FERMT3: variants seen among roughly 807,000 people sequenced by gnomAD.
FERMT3 encodes the protein FERM domain containing kindlin 3.
FERMT3 carries 33 observed loss-of-function variants against 80.8 expected under a neutral mutation model. The ratio of observed to expected loss-of-function variants is 0.41; its 90% CI spans 0.31 to 0.55. The LOEUF (loss-of-function observed/expected upper bound fraction) is 0.55, where lower values mean the gene tolerates loss of function less well. Among genes scored for constraint, FERMT3 ranks in the 20% least tolerant of loss-of-function variants. The pLI is 0.31. For synonymous variants in FERMT3, 375 were observed against 372.2 expected (o/e 1.01, Z -0.09); for missense variants, 754 against 908.7 (o/e 0.83, Z 2.19).
At chr11:64,206,566 C>T (rs1446870065), upstream of FERMT3, 1 of 152,426 alleles carries the variant, frequency 6.6e-6, no homozygotes, top group Non-Finnish European at 1.5e-5. Flanking sequence ...GCCCCGCTCT[C>T]CCTAGCTTCC....
chr11:64,211,106 A>G lies in FERMT3; in HGVS notation c.449A>G (p.Lys150Arg), dbSNP rs1946425566. The change falls in exon 4 of 15, where the codon AAG becomes AGG. Residue 150 changes from lysine (K) to arginine (R), a missense_variant. Coordinates refer to ENST00000345728, the MANE Select transcript of FERMT3 (RefSeq NM_031471.6). This position sits in a 1 kb window ranked among gnomAD's most constrained non-coding sequence, Gnocchi z 4.7. Reference sequence around the variant, plus strand: ...CTCCGGGCTCCTGAGAAGAAGGAGAAGAAGAAGAAAGAGAAGGAGCCAGAG... The same window carrying G: ...CTCCGGGCTCCTGAGAAGAAGGAGAGGAAGAAGAAAGAGAAGGAGCCAGAG... The part of the protein sequence containing the change: ...SLLRAPEKKE[K>R]KKKEKEPEEE... The G allele has an allele frequency of 1.3e-6, 2 of 1,566,516 alleles. No individual in the cohort carries two copies. Among genetic ancestry groups the G allele is most frequent in the Non-Finnish European group, 1.7e-6 (2 of 1,155,274 alleles).
chr11:64,208,991 G>A (rs1946378348), intron 2 of FERMT3, among the ~76,000 whole-genome samples: 1 of 152,214 alleles, frequency 6.6e-6, no homozygotes, highest in South Asian at 2.1e-4. Context: ...CCTGGTTAGA[G>A]ACACCAGGGC....
intron 6 of FERMT3, among the ~76,000 whole-genome samples, chr11:64,216,226 TTC>T (rs1946546364): frequency 6.9e-6 from 1 of 145,450 alleles, no homozygotes; most frequent in Non-Finnish European, 1.5e-5. Context: ...AGATGGAGTC[TTC>T]TTCTGTCACC....
Position 64,223,403 on chromosome 11 carries a change from A to G in FERMT3, c.1903A>G (p.Ile635Val), listed in dbSNP as rs1476278087. The change falls in exon 15 of 15, where the codon ATT becomes GTT. Residue 635 changes from isoleucine to valine, a missense_variant. Transcript: ENST00000345728. ...RIVHEYIGGY[I>V]FLSTRERARG... ...TGTACACGAGTATATCGGGGGCTAC[A>G]TTTTCCTGTCGACGCGGGAGCGGGC... The G allele has an allele frequency of 6.2e-7, 1 of 1,613,820 alleles. No homozygotes were observed. The highest frequency in any genetic ancestry group is 8.5e-7 in the Non-Finnish European group (1 of 1,180,034).
At position 64,211,420 on chromosome 11, in the gene FERMT3, A is replaced by G. The variant is rs1456049623; in HGVS notation, c.660A>G (p.Ser220=). Residue 220 remains serine, a synonymous_variant, in exon 5 of 15, where the codon TCA becomes TCG. Coordinates refer to ENST00000345728, the MANE Select transcript of FERMT3 (RefSeq NM_031471.6). The surrounding 1 kb of genome is among the most constrained non-coding windows in gnomAD (Gnocchi z 4.7). The part of the protein sequence containing the change: ...LQRLPRPSSL[S]DKTQLHSRWL... ...GTCTGCCACGGCCCAGCTCCCTGTCAGACAAGACCCAGCTCCACAGCAGGT... is the reference window on the plus strand; with the variant it reads ...GTCTGCCACGGCCCAGCTCCCTGTCGGACAAGACCCAGCTCCACAGCAGGT... The G allele has an allele frequency of 1.9e-6, 3 of 1,598,952 alleles. No individual in the cohort carries two copies. In the Admixed American group the frequency reaches 5.1e-5, roughly 27 times the overall value.
Position 64,220,994 on chromosome 11 carries a change from C to T in FERMT3, c.1546-22C>T, listed in dbSNP as rs184480551. The stretch of plus-strand genomic sequence containing the variant: ...AGGAGGGGAATAGTGCCTGGCAGCC[C>T]GTCACCAGTATGGTCCCGCAGCTCA... On this transcript the variant is annotated intron_variant, in intron 12 of 14. Transcript: ENST00000345728. The T allele has an allele frequency of 2.0e-4, 314 of 1,608,522 alleles. 2 individuals are homozygous for T. The South Asian group carries it at 2.3e-3, about 12-fold the overall frequency.
Position 64,219,313 on chromosome 11 carries a change from G to T in FERMT3, c.849G>T (p.Glu283Asp), listed in dbSNP as rs568602034. ...EQARWDLLLE[E>D]IDCTEEEMMV... ...CCCGGTGGGACCTGCTGCTGGAGGA[G>T]ATTGACTGCACCGAGGAGGAGATGA... The change falls in exon 7 of 15, where the codon GAG (glutamate) becomes GAT (aspartate). Residue 283 changes from glutamate to aspartate, a missense_variant. Glu to Asp is a conservative substitution (Grantham distance 45, BLOSUM62 2). Coordinates refer to ENST00000345728, the MANE Select transcript of FERMT3 (RefSeq NM_031471.6). This position sits in a 1 kb window ranked among gnomAD's most constrained non-coding sequence, Gnocchi z 4.0. The T allele has an allele frequency of 5.0e-6, 8 of 1,609,392 alleles. No individual in the cohort carries two copies. Among genetic ancestry groups the T allele is most frequent in the Non-Finnish European group, 6.8e-6 (8 of 1,178,108 alleles).
At chr11:64,212,916 C>G (rs35525149) in intron 6 of FERMT3, among the ~76,000 whole-genome samples, 5,767 of 152,008 alleles carry the variant, frequency 0.038, 363 homozygotes, top group African/African-American at 0.13. Flanking sequence ...TTTTTTGAGA[C>G]ACAGTCTTGC....
chr11:64,211,461 GC>G lies in FERMT3; in HGVS notation c.683+23del. On this transcript the variant is annotated intron_variant, in intron 5 of 14. Transcript: ENST00000345728. This position sits in a 1 kb window ranked among gnomAD's most constrained non-coding sequence, Gnocchi z 4.7. ...CACAGCAGGTGCACCCAGGAGCCAC[GC>G]CCCCTGTGTCAGGGCTCCCCCACCC... 1 of 1,569,836 alleles carries G rather than the reference GC, an allele frequency of 6.4e-7. No homozygotes were observed.
chr11:64,209,525 G>A (rs1467645113), intron 2 of FERMT3, among the ~76,000 whole-genome samples: 1 of 152,196 alleles, frequency 6.6e-6, no homozygotes, highest in African/African-American at 2.4e-5. Context: ...GAGAGGGACC[G>A]GAGAGGGGCC....
At chr11:64,209,482 C>T (rs566240287) in intron 2 of FERMT3, among the ~76,000 whole-genome samples, 14 of 152,168 alleles carry the variant, frequency 9.2e-5, no homozygotes, top group Admixed American at 5.9e-4. Context: ...CCAGGCCGAA[C>T]CTGGGGAAAG....
chr11:64,223,001 GC>G (rs1461758608), intron 13 of FERMT3, 46 bp from the exon 14 acceptor site: 3 of 1,611,512 alleles, frequency 1.9e-6, no homozygotes, highest in Non-Finnish European at 2.5e-6. Context: ...GCGGGCTCTG[GC>G]CATGCAGGGT....
Position 64,210,813 on chromosome 11 carries a change from C to A in FERMT3, c.363C>A (p.Phe121Leu), listed in dbSNP as rs1417112946. Residue 121 changes from phenylalanine to leucine, a missense_variant, in exon 3 of 15, where the codon TTC (phenylalanine) becomes TTA (leucine). Transcript: ENST00000345728. This position sits in a 1 kb window ranked among gnomAD's most constrained non-coding sequence, Gnocchi z 4.3. ...RLRASFSQPL[F>L]QAVAAICRLL... ...GTGCCAGCTTCTCCCAGCCCCTCTT[C>A]CAGGCTGTGGCTGCCATCTGCCGCC... The A allele has an allele frequency of 6.2e-7, 1 of 1,613,422 alleles. No individual in the cohort carries two copies.
At position 64,219,676 on chromosome 11, in the gene FERMT3, G is replaced by A. The variant is rs768788260; in HGVS notation, c.1029+18G>A. The A allele has an allele frequency of 3.3e-5, 53 of 1,613,732 alleles. No homozygotes were observed. The highest frequency in any genetic ancestry group is 4.2e-5 in the Non-Finnish European group (50 of 1,179,994). ...ATGTGCTGGTGAGGAGGGGCTCAGG[G>A]CAGGGGCTGGGCAGGGAGAACTGTG... On this transcript the variant is annotated intron_variant, in intron 8 of 14. Coordinates refer to ENST00000345728, the MANE Select transcript of FERMT3 (RefSeq NM_031471.6). This position sits in a 1 kb window ranked among gnomAD's most constrained non-coding sequence, Gnocchi z 4.0.
In FERMT3 at chr11:64,210,568, C is replaced by T; in HGVS notation, c.161-43C>T. The stretch of plus-strand genomic sequence containing the variant: ...GGGTTGTGCTGGGTGTTGGGGGCAC[C>T]AGGGAGGAAGGTTGGACCCAGATGT... On this transcript the variant is annotated intron_variant, in intron 2 of 14. Coordinates refer to ENST00000345728, the MANE Select transcript of FERMT3 (RefSeq NM_031471.6). This position sits in a 1 kb window ranked among gnomAD's most constrained non-coding sequence, Gnocchi z 4.3. The T allele has an allele frequency of 6.3e-7, 1 of 1,582,206 alleles. No homozygotes were observed. The highest frequency in any genetic ancestry group is 1.7e-4 in the Middle Eastern group (1 of 5,992).
intron 13 of FERMT3, among the ~76,000 whole-genome samples, chr11:64,221,468 A>C (rs1946679692): frequency 6.6e-6 from 1 of 152,098 alleles, no homozygotes; most frequent in South Asian, 2.1e-4. Context: ...CGTCTCTACA[A>C]AAAATTGTAA....
chr11:64,211,774 C>T lies in FERMT3; in HGVS notation c.786+27C>T, dbSNP rs149294067. 639 of 1,608,376 alleles carry T rather than the reference C, an allele frequency of 4.0e-4. 6 individuals are homozygous for T. The African/African-American group carries it at 7.9e-3, about 20-fold the overall frequency. On this transcript the variant is annotated intron_variant, in intron 6 of 14. Coordinates refer to ENST00000345728, the MANE Select transcript of FERMT3 (RefSeq NM_031471.6). This position sits in a 1 kb window ranked among gnomAD's most constrained non-coding sequence, Gnocchi z 4.7. ...TGGGTCGGGGCAGGGAGAAAGCGGG[C>T]CTCAGGTCCATGAGATGTGGAGACC...
At chr11:64,220,873 G>A (rs1197098550) in intron 12 of FERMT3, 143 bp from the exon 13 acceptor site, 3 of 1,483,326 alleles carry the variant, frequency 2.0e-6, no homozygotes, top group South Asian at 1.2e-5. Flanking sequence ...CTGGCGCAGT[G>A]CAGATCTGCA....
chr11:64,213,555 A>ATTTT (rs34872967), intron 6 of FERMT3, among the ~76,000 whole-genome samples: 5 of 120,702 alleles, frequency 4.1e-5, no homozygotes, highest in African/African-American at 9.7e-5. Context: ...GCCTGGCCTA[A>ATTTT]TTTTTTTTTT....
Sources: gnomAD v4.1 joint callset for allele counts (sites outside exome capture counted in the v4.1 genomes callset) on GRCh38, gnomAD v4.1.1 for gene constraint, Gnocchi (gnomAD v3.1) non-coding constraint, MANE v1.5 for transcripts, NCBI Gene and HGNC (gene_info 2026-07-23, HGNC 2026-07-21) for gene names.